Variants in PCM1 observed in about 807,000 individuals in gnomAD.
PCM1 encodes the protein pericentriolar material 1, also known as pericentriolar material 1 protein.
In PCM1, 157 loss-of-function variants were observed where a neutral mutation model predicts 241.9. The ratio of observed to expected loss-of-function variants is 0.65; its 90% CI spans 0.57 to 0.74. The LOEUF (loss-of-function observed/expected upper bound fraction) is 0.74, where lower values mean the gene tolerates loss of function less well. Ranked by LOEUF, PCM1 falls within the 30% of genes least tolerant of loss-of-function variation. PCM1 has a pLI of 0.00. For synonymous variants in PCM1, 1,085 were observed against 784.9 expected (o/e 1.38, Z -6.39); for missense variants, 3,478 against 2,360.1 (o/e 1.47, Z -9.81).
At chr8:17,933,829 AC>A (rs1390194732) in intron 2 of PCM1, among the ~76,000 whole-genome samples, 1 of 152,066 alleles carries the variant, frequency 6.6e-6, no homozygotes, top group Admixed American at 6.6e-5. Context: ...ATGCCAAGTA[AC>A]TGATATGTAG....
At chr8:17,930,634 T>A (rs1193610862) in intron 2 of PCM1, among the ~76,000 whole-genome samples, 5 of 151,722 alleles carry the variant, frequency 3.3e-5, no homozygotes, top group Non-Finnish European at 5.9e-5. Context: ...ATCCCAGCAC[T>A]TTGGGAGGCC....
At chr8:17,992,475 G>A (rs982341723) in intron 28 of PCM1, among the ~76,000 whole-genome samples, 1 of 151,988 alleles carries the variant, frequency 6.6e-6, no homozygotes, top group Non-Finnish European at 1.5e-5. Flanking sequence ...ATTGTAGTTT[G>A]TGCTTTGATT....
chr8:17,982,778 G>A (rs1303024796), intron 24 of PCM1: 2 of 152,510 alleles, frequency 1.3e-5, no homozygotes, highest in African/African-American at 4.8e-5. Flanking sequence ...GCAGGCATGA[G>A]CCACCATGCC....
At chr8:18,025,508 G>C in intron 37 of PCM1, 36 bp from the exon 38 acceptor site, 1 of 1,524,316 alleles carries the variant, frequency 6.6e-7, no homozygotes, top group Non-Finnish European at 9.0e-7. Flanking sequence ...CTGTTAAAAT[G>C]AAAAATGATT....
At chr8:17,928,390 A>G (rs576993383) in intron 2 of PCM1, among the ~76,000 whole-genome samples, 48 of 152,004 alleles carry the variant, frequency 3.2e-4, no homozygotes, top group Admixed American at 1.2e-3. Flanking sequence ...AGTCCTTCCT[A>G]CTTCACAACA....
rs2056225290 is a variant in PCM1, at chr8:17,924,732, G to C, written c.-71G>C. ...AATTAGGAAACAGCTTTGAAGTGTG[G>C]AGCGGGAAAGGAGCAGTTTCTGAGC... On this transcript the variant is annotated 5_prime_UTR_variant, in exon 2 of 39. Coordinates refer to ENST00000325083, the MANE Select transcript of PCM1 (RefSeq NM_006197.4). 6.6e-6 allele frequency: 1 copy of C among 152,168 alleles called. No individual in the cohort carries two copies. Among genetic ancestry groups the C allele is most frequent in the Non-Finnish European group, 1.5e-5 (1 of 68,034 alleles). 9.4% of individuals were successfully genotyped at this position (152,168 alleles called of 1,614,324 possible). A position where few individuals can be genotyped will look rare whatever the true frequency, so the allele number is the denominator to read the frequency against.
rs2129492523 is a variant in PCM1, at chr8:18,029,910, T to C, written c.*2248T>C. On this transcript the variant is annotated 3_prime_UTR_variant, in exon 39 of 39. Transcript: ENST00000325083. ...TTTTGTAACATTGACTTTGGGTAAA[T>C]GCTTTTTCACTGTTAATAAATATAT... 5.3e-6 allele frequency: 1 copy of C among 188,146 alleles called. No homozygotes were observed. Among genetic ancestry groups the C allele is most frequent in the Non-Finnish European group, 1.1e-5 (1 of 89,376 alleles). 11.7% of individuals were successfully genotyped at this position (188,146 alleles called of 1,614,324 possible). A position where few individuals can be genotyped will look rare whatever the true frequency, so the allele number is the denominator to read the frequency against.
intron 21 of PCM1, 41 bp from the exon 22 acceptor site, chr8:17,969,536 A>G (rs779631153): frequency 1.5e-6 from 2 of 1,366,950 alleles, no homozygotes; most frequent in East Asian, 4.7e-5. Context: ...AGCTAAAGAC[A>G]TTTATTTATT....
chr8:17,925,385 A>G (rs2056531301), intron 2 of PCM1: 1 of 152,226 alleles, frequency 6.6e-6, no homozygotes, highest in South Asian at 2.1e-4. Flanking sequence ...AAGTTCAATA[A>G]TTGTTTGCAA....
intron 36 of PCM1, among the ~76,000 whole-genome samples, chr8:18,018,875 T>TATAC (rs1554778625): frequency 9.1e-4 from 44 of 48,466 alleles, no homozygotes; most frequent in South Asian, 2.8e-3. Context: ...TATATATATA[T>TATAC]ATATACACAC....
At chr8:18,012,394 T>G (rs1323597087) in intron 34 of PCM1, among the ~76,000 whole-genome samples, 2 of 152,194 alleles carry the variant, frequency 1.3e-5, no homozygotes, top group Non-Finnish European at 2.9e-5. Context: ...ACAAGAGAAT[T>G]AATTATTCTA....
At chr8:17,975,002 A>G (rs1227022865) in intron 23 of PCM1, among the ~76,000 whole-genome samples, 2 of 152,166 alleles carry the variant, frequency 1.3e-5, no homozygotes, top group East Asian at 3.9e-4. Context: ...ACTGTGGACA[A>G]GCAGCATTAC....
rs745802958 is a variant in PCM1, at chr8:17,966,225, T to G, written c.3075+7T>G. On this transcript the variant is annotated splice_region_variant and intron_variant, in intron 19 of 38. Coordinates refer to ENST00000325083, the MANE Select transcript of PCM1 (RefSeq NM_006197.4). ...TTTGATGCAAGACCAGCAGGTAAAATTTGCTATGAAAGTATATTTTTCGTC... is the reference window on the plus strand; with the variant it reads ...TTTGATGCAAGACCAGCAGGTAAAAGTTGCTATGAAAGTATATTTTTCGTC... The G allele has an allele frequency of 1.7e-5, 28 of 1,611,934 alleles. No homozygotes were observed. In the South Asian group the frequency reaches 2.9e-4, roughly 16 times the overall value.
intron 23 of PCM1, among the ~76,000 whole-genome samples, chr8:17,978,161 T>G (rs1337413501): frequency 6.6e-6 from 1 of 152,194 alleles, no homozygotes; most frequent in Admixed American, 6.5e-5. Flanking sequence ...CACGTGCTAT[T>G]AAGTTCCAAA....
At chr8:17,983,323 T>A in intron 24 of PCM1, 1 of 1,288,652 alleles carries the variant, frequency 7.8e-7, no homozygotes, top group Non-Finnish European at 1.0e-6. Context: ...GTCCACTTTT[T>A]GTTAATTTTT....
At position 17,964,592 on chromosome 8, in the gene PCM1, T is replaced by C; in HGVS notation, c.2679T>C (p.Ser893=). The change falls in exon 18 of 39, where the codon TCT becomes TCC. Residue 893 remains serine, a synonymous_variant. Transcript: ENST00000325083. The stretch of plus-strand genomic sequence containing the variant: ...GAACGATGGCAACTTGGGGAGGGTC[T>C]ACCCAGTGTGCACTAGATGAAGAAG... ...TEKTMATWGG[S]TQCALDEEGD... is the part of the protein sequence containing the mutation. The C allele has an allele frequency of 6.2e-7, 1 of 1,613,838 alleles. No individual in the cohort carries two copies. Among genetic ancestry groups the C allele is most frequent in the African/African-American group, 1.3e-5 (1 of 75,028 alleles).
intron 36 of PCM1, among the ~76,000 whole-genome samples, chr8:18,022,745 A>T (rs1329837128): frequency 1.3e-5 from 2 of 152,182 alleles, no homozygotes; most frequent in African/African-American, 4.8e-5. Flanking sequence ...AATTAGGGAG[A>T]CTGCTCTCCT....
intron 5 of PCM1, 56 bp downstream of exon 5, chr8:17,939,065 G>C: frequency 1.9e-6 from 3 of 1,569,362 alleles, no homozygotes; most frequent in South Asian, 1.2e-5. Flanking sequence ...AATACCAACA[G>C]TAAGGTTTAG....
In PCM1 at chr8:18,029,241, C is replaced by T. The variant is rs1588937796; in HGVS notation, c.*1579C>T. 5.1e-6 allele frequency: 1 copy of T among 196,450 alleles called. No homozygotes were observed. Among genetic ancestry groups the T allele is most frequent in the East Asian group, 7.7e-5 (1 of 12,988 alleles). The allele number at this position is 196,450 out of a possible 1,614,324, so 12.2% of individuals were successfully genotyped here. Reference sequence around the variant, plus strand: ...TTCAAGGAGTATTAAATGAGGATTTCCCTGCGAGGACATTTACTGTATTGC... The same window carrying T: ...TTCAAGGAGTATTAAATGAGGATTTTCCTGCGAGGACATTTACTGTATTGC... On this transcript the variant is annotated 3_prime_UTR_variant, in exon 39 of 39. Coordinates refer to ENST00000325083, the MANE Select transcript of PCM1 (RefSeq NM_006197.4).
Sources: gnomAD v4.1 joint callset for allele counts (sites outside exome capture counted in the v4.1 genomes callset) on GRCh38, gnomAD v4.1.1 for gene constraint, MANE v1.5 for transcripts, NCBI Gene and HGNC (gene_info 2026-07-23, HGNC 2026-07-21) for gene names.